The following SLC25A21 variants were observed in gnomAD, a reference collection of about 807,000 sequenced individuals.
SLC25A21 encodes the protein solute carrier family 25 member 21.
SLC25A21 carries 47 observed loss-of-function variants against 43.8 expected under a neutral mutation model. That is an observed-to-expected ratio of 1.07 (90% CI 0.85 to 1.37). The LOEUF (loss-of-function observed/expected upper bound fraction) is 1.37. Ranked by LOEUF, SLC25A21 falls within the 40% of genes most tolerant of loss-of-function variation. The pLI is 0.00. For synonymous variants in SLC25A21, 131 were observed against 121.3 expected (o/e 1.08, Z -0.52); for missense variants, 352 against 350.2 (o/e 1.00, Z -0.04).
chr14:36,995,885 T>C (rs1960361448), intron 1 of SLC25A21, among the ~76,000 whole-genome samples: 1 of 152,172 alleles, frequency 6.6e-6, no homozygotes, highest in South Asian at 2.1e-4. Flanking sequence ...ATACTGTAGC[T>C]AACAATTGGT....
chr14:36,888,926 C>G lies in SLC25A21; in HGVS notation c.71-13922G>C, dbSNP rs954355158. On this transcript the variant is annotated intron_variant, in intron 1 of 9. Coordinates refer to ENST00000331299, the MANE Select transcript of SLC25A21 (RefSeq NM_030631.4). Reference sequence around the variant, plus strand: ...TCTTGACAGAGTAAATGACTTCTGACCATTAGCTTTCTTTAATATGTAGCC... The same window carrying G: ...TCTTGACAGAGTAAATGACTTCTGAGCATTAGCTTTCTTTAATATGTAGCC... Among the ~76,000 whole-genome samples the G allele has an allele frequency of 9.9e-5, 15 of 152,200 alleles. 1 individual carries two copies. Among genetic ancestry groups the G allele is most frequent in the Admixed American group, 3.3e-4 (5 of 15,280 alleles).
At chr14:36,761,839 A>G (rs1886169635) in intron 3 of SLC25A21, among the ~76,000 whole-genome samples, 1 of 152,232 alleles carries the variant, frequency 6.6e-6, no homozygotes, top group Non-Finnish European at 1.5e-5. Context: ...ACCTCTGGAT[A>G]CTAGGAGCTA....
At chr14:36,837,858 G>A (rs1196904988) in intron 2 of SLC25A21, among the ~76,000 whole-genome samples, 1 of 152,130 alleles carries the variant, frequency 6.6e-6, no homozygotes, top group East Asian at 1.9e-4. Context: ...TGGTGAATGA[G>A]CTCTCCAGTC....
intron 1 of SLC25A21, among the ~76,000 whole-genome samples, chr14:37,153,739 T>C (rs1381956255): frequency 2.6e-5 from 4 of 152,200 alleles, no homozygotes; most frequent in African/African-American, 9.6e-5. Context: ...CCACCACAGC[T>C]GGTGCCTGCT....
chr14:36,894,223 G>A (rs1397472092), intron 1 of SLC25A21, among the ~76,000 whole-genome samples: 1 of 152,008 alleles, frequency 6.6e-6, no homozygotes, highest in Non-Finnish European at 1.5e-5. Context: ...CTTGAGCAGT[G>A]GTTTGTAGTT....
At chr14:36,903,784 G>A (rs1891461256) in intron 1 of SLC25A21, among the ~76,000 whole-genome samples, 1 of 152,056 alleles carries the variant, frequency 6.6e-6, no homozygotes, top group South Asian at 2.1e-4. Context: ...CTGAGTTTAG[G>A]AACATGTGCT....
chr14:36,813,896 G>C (rs768939792), intron 3 of SLC25A21, 22 bp downstream of exon 3: 17 of 1,462,542 alleles, frequency 1.2e-5, no homozygotes, highest in African/African-American at 4.2e-5. Flanking sequence ...TATTAAAATG[G>C]CTATATGAAG....
chr14:36,955,370 CA>C (rs1959308659), intron 1 of SLC25A21, among the ~76,000 whole-genome samples: 1 of 152,100 alleles, frequency 6.6e-6, no homozygotes. Flanking sequence ...GATAATTTCC[CA>C]CTTAGTAATG....
intron 1 of SLC25A21, among the ~76,000 whole-genome samples, chr14:36,988,690 G>C (rs1254571348): frequency 6.6e-6 from 1 of 152,186 alleles, no homozygotes; most frequent in Admixed American, 6.5e-5. Context: ...TGGAATCTCT[G>C]TGAGATGGAG....
At position 37,032,207 on chromosome 14, in the gene SLC25A21, C is replaced by A. The variant is rs145766540; in HGVS notation, c.70+140074G>T. On this transcript the variant is annotated intron_variant, in intron 1 of 9. Transcript: ENST00000331299. ...GCGATAAGATATTTAAACATGCTTTCTGAATTCCTAAAATAAGTGCTTAGG... is the reference window on the plus strand; with the variant it reads ...GCGATAAGATATTTAAACATGCTTTATGAATTCCTAAAATAAGTGCTTAGG... 2.0e-5 allele frequency among the ~76,000 whole-genome samples: 3 copies of A among 152,216 alleles called. No homozygotes were observed. The East Asian group carries it at 5.8e-4, about 29-fold the overall frequency.
chr14:36,828,117 G>C (rs369792604), intron 2 of SLC25A21, among the ~76,000 whole-genome samples: 3 of 7,476 alleles, frequency 4.0e-4, no homozygotes, highest in Admixed American at 4.2e-3. Context: ...AGGTCTTCTG[G>C]GACCATGTGA....
chr14:36,684,189 T>C (rs1882422798), intron 8 of SLC25A21, among the ~76,000 whole-genome samples: 1 of 152,198 alleles, frequency 6.6e-6, no homozygotes, highest in Non-Finnish European at 1.5e-5. Flanking sequence ...GAATGACTTT[T>C]GTAATTGAAT....
intron 3 of SLC25A21, among the ~76,000 whole-genome samples, chr14:36,777,395 C>T (rs1324907226): frequency 2.6e-5 from 4 of 152,144 alleles, no homozygotes; most frequent in East Asian, 1.9e-4. Context: ...TAAAAAGATA[C>T]GTCCAAGTCC....
intron 1 of SLC25A21, among the ~76,000 whole-genome samples, chr14:36,970,172 C>T (rs778076330): frequency 4.7e-4 from 72 of 152,200 alleles, no homozygotes; most frequent in Non-Finnish European, 7.9e-4. Context: ...AGCTCTCAGT[C>T]AGGATTGTGA....
At chr14:37,107,294 C>T (rs902699915) in intron 1 of SLC25A21, among the ~76,000 whole-genome samples, 2 of 152,048 alleles carry the variant, frequency 1.3e-5, no homozygotes, top group African/African-American at 4.8e-5. Context: ...CCTCCCACCT[C>T]ATTCTCCTGA....
chr14:37,020,771 G>A (rs1960968235), intron 1 of SLC25A21, among the ~76,000 whole-genome samples: 1 of 151,848 alleles, frequency 6.6e-6, no homozygotes, highest in Non-Finnish European at 1.5e-5. Flanking sequence ...AACATGAGGT[G>A]ATTAGTTTCA....
chr14:37,052,570 C>T (rs1360252645), intron 1 of SLC25A21, among the ~76,000 whole-genome samples: 1 of 152,034 alleles, frequency 6.6e-6, no homozygotes, highest in Non-Finnish European at 1.5e-5. Flanking sequence ...TTTTTTAATT[C>T]AAATTTTGAA....
intron 1 of SLC25A21, among the ~76,000 whole-genome samples, chr14:36,977,817 G>C (rs1253072304): frequency 2.6e-5 from 4 of 152,000 alleles, no homozygotes; most frequent in Admixed American, 2.6e-4. Context: ...GTTCTTACTA[G>C]GACAAACACA....
intron 1 of SLC25A21, among the ~76,000 whole-genome samples, chr14:37,162,696 C>G (rs558507555): frequency 8.9e-4 from 136 of 152,274 alleles, no homozygotes; most frequent in African/African-American, 1.7e-3. Flanking sequence ...GTTGGTGGGA[C>G]TGTAAACTAG....
Sources: gnomAD v4.1 joint callset for allele counts (sites outside exome capture counted in the v4.1 genomes callset) on GRCh38, gnomAD v4.1.1 for gene constraint, MANE v1.5 for transcripts, NCBI Gene and HGNC (gene_info 2026-07-23, HGNC 2026-07-21) for gene names.